The following ADGRL2 variants were observed in gnomAD, a reference collection of about 807,000 sequenced individuals.
ADGRL2 encodes the protein adhesion G protein-coupled receptor L2.
A neutral mutation model predicts 157.4 loss-of-function variants in ADGRL2; 44 were observed. That is an observed-to-expected ratio of 0.28 (90% CI 0.22 to 0.36). The LOEUF is 0.36. Ranked by LOEUF, ADGRL2 falls within the 10% of genes least tolerant of loss-of-function variation. The pLI is 1.00. For missense variants in ADGRL2, 1,510 were observed against 1,768.9 expected (o/e 0.85, Z 2.63); for synonymous variants, 585 against 624.7 (o/e 0.94, Z 0.95).
chr1:81,621,124 C>T (rs76554848), intron 3 of ADGRL2, among the ~76,000 whole-genome samples: 19,110 of 152,052 alleles, frequency 0.13, 1,661 homozygotes, highest in Non-Finnish European at 0.18. Flanking sequence ...AGCTGAAGTG[C>T]TTTCCTCTCT....
At chr1:81,715,387 T>A (rs537638895) in intron 1 of ADGRL2, among the ~76,000 whole-genome samples, 21 of 152,250 alleles carry the variant, frequency 1.4e-4, no homozygotes, top group Middle Eastern at 6.8e-3. Context: ...AGACATTAGG[T>A]CTAAACAGGA....
chr1:81,580,518 G>A (rs2080885775), intron 2 of ADGRL2, among the ~76,000 whole-genome samples: 1 of 152,052 alleles, frequency 6.6e-6, no homozygotes, highest in Admixed American at 6.6e-5. Context: ...ATGAAGCCAA[G>A]GGGGATGTGG....
chr1:81,704,266 T>G (rs904316435), intron 1 of ADGRL2, among the ~76,000 whole-genome samples: 1 of 152,250 alleles, frequency 6.6e-6, no homozygotes, highest in Non-Finnish European at 1.5e-5. Flanking sequence ...ACTGTCTGCT[T>G]AATGCGTCTG....
intron 3 of ADGRL2, among the ~76,000 whole-genome samples, chr1:81,624,063 G>T (rs535212183): frequency 3.9e-5 from 6 of 152,154 alleles, no homozygotes; most frequent in African/African-American, 1.4e-4. Flanking sequence ...CAGGAGTAGC[G>T]AAGACCATCC....
In ADGRL2 at chr1:81,858,286, T is replaced by C. The variant is rs3828123; in HGVS notation, c.73+21229T>C. ...AAGGAAAGCCAGATCCAATAACACA[T>C]AGGACACAGAATTAATAACTGAGCC... On this transcript the variant is annotated intron_variant, in intron 2 of 23. Transcript: ENST00000686636. Among the ~76,000 whole-genome samples the C allele has an allele frequency of 1.6e-3, 237 of 152,272 alleles. 4 individuals are homozygous for C. The East Asian group carries it at 0.043, about 27-fold the overall frequency.
intron 2 of ADGRL2, among the ~76,000 whole-genome samples, chr1:81,838,740 C>T (rs971403347): frequency 1.3e-5 from 2 of 151,968 alleles, no homozygotes; most frequent in Non-Finnish European, 1.5e-5. Flanking sequence ...AGTAGCTTAA[C>T]TCAGTGGGGG....
At chr1:81,606,243 C>T (rs573921460) in intron 3 of ADGRL2, among the ~76,000 whole-genome samples, 55 of 152,278 alleles carry the variant, frequency 3.6e-4, no homozygotes, top group Non-Finnish European at 7.1e-4. Flanking sequence ...TCCCTATTCC[C>T]TTGATTCTAC....
chr1:81,419,025 G>A (rs1185879163), intron 1 of ADGRL2, among the ~76,000 whole-genome samples: 3 of 152,088 alleles, frequency 2.0e-5, no homozygotes, highest in African/African-American at 7.2e-5. Context: ...TAAGAATCCA[G>A]GAATGCAATG....
intron 22 of ADGRL2, 137 bp from the exon 23 acceptor site, chr1:81,987,728 CTTTA>C (rs1663596010): frequency 5.2e-6 from 1 of 193,280 alleles, no homozygotes; most frequent in Non-Finnish European, 1.1e-5. Flanking sequence ...AGCATATAAT[CTTTA>C]TTTGTGATGA....
At chr1:81,423,273 T>C (rs573207278) in intron 1 of ADGRL2, among the ~76,000 whole-genome samples, 5 of 152,324 alleles carry the variant, frequency 3.3e-5, no homozygotes, top group East Asian at 3.9e-4. Context: ...TAGGATTATA[T>C]AGGACTGTAC....
chr1:81,755,763 T>G (rs1398475259), intron 1 of ADGRL2, among the ~76,000 whole-genome samples: 1 of 152,080 alleles, frequency 6.6e-6, no homozygotes, highest in Non-Finnish European at 1.5e-5. Flanking sequence ...CTCCCTAAAG[T>G]GCAGTTTTCA....
At chr1:81,656,447 C>A (rs987198912) in intron 3 of ADGRL2, among the ~76,000 whole-genome samples, 1 of 152,152 alleles carries the variant, frequency 6.6e-6, no homozygotes, top group Non-Finnish European at 1.5e-5. Context: ...TTTTTGCCCA[C>A]CACTAACTAG....
intron 2 of ADGRL2, among the ~76,000 whole-genome samples, chr1:81,844,901 A>T (rs2092725585): frequency 6.6e-6 from 1 of 152,050 alleles, no homozygotes; most frequent in South Asian, 2.1e-4. Flanking sequence ...TATTTTTCTT[A>T]AAAGTGTTTT....
At chr1:81,693,051 C>T (rs2148997742) in intron 3 of ADGRL2, among the ~76,000 whole-genome samples, 1 of 152,280 alleles carries the variant, frequency 6.6e-6, no homozygotes, top group Middle Eastern at 3.4e-3. Context: ...CAGAGGTAGG[C>T]CTAGAGTGCA....
At chr1:81,312,668 G>T (rs1294298002) in intron 1 of ADGRL2, among the ~76,000 whole-genome samples, 8 of 152,118 alleles carry the variant, frequency 5.3e-5, no homozygotes, top group Admixed American at 5.2e-4. Context: ...AAGAGTATTT[G>T]TGAAATCCTT....
At chr1:81,853,591 T>C (rs575981696) in intron 2 of ADGRL2, among the ~76,000 whole-genome samples, 2 of 152,314 alleles carry the variant, frequency 1.3e-5, no homozygotes, top group South Asian at 4.1e-4. Context: ...TTAAAAACTT[T>C]ATGATTTGCA....
intron 3 of ADGRL2, among the ~76,000 whole-genome samples, chr1:81,910,273 A>ATAATAATAATAATAATAC (rs1408035940): frequency 6.8e-5 from 10 of 147,788 alleles, no homozygotes; most frequent in South Asian, 6.5e-4. Context: ...AATAATAATA[A>ATAATAATAATAATAATAC]TACTACAATT....
intron 1 of ADGRL2, among the ~76,000 whole-genome samples, chr1:81,831,716 C>T (rs779059692): frequency 1.3e-5 from 2 of 152,032 alleles, no homozygotes; most frequent in African/African-American, 2.4e-5. Flanking sequence ...TAACTGTGTG[C>T]AAGGCAGTTA....
intron 1 of ADGRL2, among the ~76,000 whole-genome samples, chr1:81,307,801 C>A (rs1004342341): frequency 1.3e-5 from 2 of 148,840 alleles, no homozygotes; most frequent in Non-Finnish European, 3.0e-5. Flanking sequence ...TATCTCAATG[C>A]CAAAAATGTG....
Sources: gnomAD v4.1 joint callset for allele counts (sites outside exome capture counted in the v4.1 genomes callset) on GRCh38, gnomAD v4.1.1 for gene constraint, MANE v1.5 for transcripts, NCBI Gene and HGNC (gene_info 2026-07-23, HGNC 2026-07-21) for gene names.